TBCD: variants seen among roughly 807,000 people sequenced by gnomAD.
TBCD encodes tubulin folding cofactor D.
TBCD carries 105 observed loss-of-function variants against 169.3 expected under a neutral mutation model. That is an observed-to-expected ratio of 0.62 (90% CI 0.53 to 0.73). TBCD has a LOEUF of 0.73. Ranked by LOEUF, TBCD falls within the 30% of genes least tolerant of loss-of-function variation. TBCD has a pLI of 0.00. For missense variants in TBCD, 1,444 were observed against 1,600.1 expected, an observed-to-expected ratio of 0.90 and a Z score of 1.66; for synonymous variants, 700 against 643.9, an observed-to-expected ratio of 1.09 and a Z score of -1.32.
chr17:82,900,500 G>T, intron 17 of TBCD, 151 bp from the exon 18 acceptor site: 3 of 632,106 alleles, frequency 4.7e-6, no homozygotes, highest in Non-Finnish European at 8.5e-6. Context: ...TTTCTTTTGG[G>T]TAACTGCTCA....
intron 13 of TBCD, among the ~76,000 whole-genome samples, chr17:82,836,548 C>A (rs1016082132): frequency 2.0e-5 from 3 of 152,156 alleles, no homozygotes; most frequent in African/African-American, 7.2e-5. Context: ...GTTTTCGAAG[C>A]CGCATTATTT....
At chr17:82,891,087 G>A (rs1293055608) in intron 16 of TBCD, among the ~76,000 whole-genome samples, 16 of 152,218 alleles carry the variant, frequency 1.1e-4, no homozygotes, top group Admixed American at 1.0e-3. Flanking sequence ...GCCCTGGGGC[G>A]CACTCCGCCA....
At chr17:82,913,669 G>T (rs1218509640) in intron 23 of TBCD, 1 of 152,396 alleles carries the variant, frequency 6.6e-6, no homozygotes, top group Non-Finnish European at 1.5e-5. Flanking sequence ...GCTCCGTGAA[G>T]CGGGGCCCAT....
rs748495076 is a variant in TBCD, at chr17:82,831,913, G to C, written c.1318+16979G>C. The stretch of plus-strand genomic sequence containing the variant: ...GGCAGTGGGGTTGTGTAAAGCCAGT[G>C]TCTCGGGCGCCTCGGCGTTGTCTGG... On this transcript the variant is annotated intron_variant, in intron 13 of 38. Coordinates refer to ENST00000355528, the MANE Select transcript of TBCD (RefSeq NM_005993.5). The surrounding 1 kb of genome is among the most constrained non-coding windows in gnomAD (Gnocchi z 4.6). 6.8e-6 allele frequency: 11 copies of C among 1,614,116 alleles called. No individual in the cohort carries two copies. Among genetic ancestry groups the C allele is most frequent in the Non-Finnish European group, 9.3e-6 (11 of 1,180,054 alleles).
rs982703589 is a variant in TBCD, at chr17:82,920,381, C to T, written c.2039-175C>T. ...AGCGGAGGAGGCGTCTTGGGCTTCT[C>T]ATGGTGGTTCTGAAATGGTTCTGGG... On this transcript the variant is annotated intron_variant, in intron 23 of 38. Coordinates refer to ENST00000355528, the MANE Select transcript of TBCD (RefSeq NM_005993.5). This position sits in a 1 kb window ranked among gnomAD's most constrained non-coding sequence, Gnocchi z 4.1. The T allele has an allele frequency of 2.0e-5, 13 of 644,466 alleles. No homozygotes were observed. Among genetic ancestry groups the T allele is most frequent in the Non-Finnish European group, 3.5e-5 (13 of 368,824 alleles). The allele number at this position is 644,466 out of a possible 1,614,324, so 39.9% of individuals were successfully genotyped here.
intron 9 of TBCD, among the ~76,000 whole-genome samples, chr17:82,802,891 G>A (rs75380144): frequency 0.02 from 3,113 of 152,340 alleles, 112 homozygotes; most frequent in African/African-American, 0.07. Context: ...CTGAAATGTT[G>A]GTACAGAAAA....
At position 82,864,962 on chromosome 17, in the gene TBCD, C is replaced by T. The variant is rs1411466008; in HGVS notation, c.1319-5262C>T. 6.6e-6 allele frequency among the ~76,000 whole-genome samples: 1 copy of T among 152,104 alleles called. No homozygotes were observed. Among genetic ancestry groups the T allele is most frequent in the African/African-American group, 2.4e-5 (1 of 41,420 alleles). The stretch of plus-strand genomic sequence containing the variant: ...GGGCTCCTTGCCCCCCAAGGGCAGG[C>T]CGAGCACCAAGTCTGTGCTTGCCCC... On this transcript the variant is annotated intron_variant, in intron 13 of 38. Coordinates refer to ENST00000355528, the MANE Select transcript of TBCD (RefSeq NM_005993.5). The surrounding 1 kb of genome is among the most constrained non-coding windows in gnomAD (Gnocchi z 6.3).
chr17:82,827,499 A>T (rs978060340), intron 13 of TBCD, among the ~76,000 whole-genome samples: 1 of 152,220 alleles, frequency 6.6e-6, no homozygotes, highest in Non-Finnish European at 1.5e-5. Context: ...GACCCCATGG[A>T]TGGCCATTGA....
At chr17:82,753,034 C>A (rs947718255) in intron 1 of TBCD, among the ~76,000 whole-genome samples, 1 of 152,192 alleles carries the variant, frequency 6.6e-6, no homozygotes, top group African/African-American at 2.4e-5. Flanking sequence ...TCAGACCCAC[C>A]TTTACCGCTG....
At chr17:82,911,180 A>T (rs1211481749) in intron 22 of TBCD, among the ~76,000 whole-genome samples, 1 of 152,130 alleles carries the variant, frequency 6.6e-6, no homozygotes, top group Non-Finnish European at 1.5e-5. Context: ...CATATGTTGC[A>T]TTCTGTCCAG....
At chr17:82,837,989 G>A (rs2054129333) in intron 13 of TBCD, among the ~76,000 whole-genome samples, 1 of 152,252 alleles carries the variant, frequency 6.6e-6, no homozygotes, top group South Asian at 2.1e-4. Flanking sequence ...CATATTTACA[G>A]ATGCCACTCT....
chr17:82,939,481 G>T lies in TBCD; in HGVS notation c.3479+5G>T, dbSNP rs368208307. ...TGTGCTCAGTGACACTGCGTGGTGA[G>T]TGAAGGCCCTTCCTGCACGGCCACC... On this transcript the variant is annotated splice_donor_5th_base_variant and intron_variant, in intron 37 of 38. Transcript: ENST00000355528. 6.2e-7 allele frequency: 1 copy of T among 1,611,068 alleles called. No individual in the cohort carries two copies. The highest frequency in any genetic ancestry group is 8.5e-7 in the Non-Finnish European group (1 of 1,178,406).
chr17:82,795,183 A>G (rs181062773), intron 7 of TBCD, among the ~76,000 whole-genome samples: 1 of 152,368 alleles, frequency 6.6e-6, no homozygotes, highest in East Asian at 1.9e-4. Context: ...TAGGAATTTC[A>G]CAGTGTCTTG....
chr17:82,766,174 G>T, intron 3 of TBCD, 93 bp from the exon 4 acceptor site: 1 of 964,106 alleles, frequency 1.0e-6, no homozygotes, highest in East Asian at 2.6e-5. Flanking sequence ...AGTGGGTCGC[G>T]TAGCTGGTGA....
rs1555672641 is a variant in TBCD, at chr17:82,758,400, A to AAT, written c.235+2186_235+2187insTA. On this transcript the variant is annotated intron_variant, in intron 2 of 38. Transcript: ENST00000355528. ...AACGTCTCGGAAAAAAAAAAAAAAAAAAATAAATAAATAAATAAATTTTTT... is the reference window on the plus strand; with the variant it reads ...AACGTCTCGGAAAAAAAAAAAAAAAAATAAATAAATAAATAAATAAATTTTTT... Among the ~76,000 whole-genome samples, 41 of 100,060 alleles carry AAT rather than the reference A, an allele frequency of 4.1e-4. 1 individual carries two copies. Among genetic ancestry groups the AAT allele is most frequent in the Admixed American group, 1.1e-3 (8 of 7,152 alleles). The allele number at this position is 100,060 out of a possible 152,430, so 65.6% of individuals were successfully genotyped here. A position where few individuals can be genotyped will look rare whatever the true frequency, so the allele number is the denominator to read the frequency against.
At chr17:82,906,468 G>T (rs2060258141) in intron 20 of TBCD, among the ~76,000 whole-genome samples, 1 of 152,228 alleles carries the variant, frequency 6.6e-6, no homozygotes, top group Non-Finnish European at 1.5e-5. Context: ...AAATGCCAGA[G>T]AATATACACG....
At chr17:82,794,913 T>TA (rs1333076562) in intron 7 of TBCD, among the ~76,000 whole-genome samples, 1 of 152,146 alleles carries the variant, frequency 6.6e-6, no homozygotes, top group Non-Finnish European at 1.5e-5. Context: ...CTTCGCCCTG[T>TA]AAATGTGTGG....
chr17:82,940,601 G>A (rs530444301), intron 37 of TBCD, among the ~76,000 whole-genome samples: 3 of 152,204 alleles, frequency 2.0e-5, no homozygotes, highest in South Asian at 4.1e-4. Flanking sequence ...GGGCTTCCGC[G>A]AGGTTTTCTG....
chr17:82,752,372 T>G lies in TBCD; in HGVS notation c.179T>G (p.Phe60Cys). 1 of 1,293,810 alleles carries G rather than the reference T, an allele frequency of 7.7e-7. No homozygotes were observed. The highest frequency in any genetic ancestry group is 9.7e-7 in the Non-Finnish European group (1 of 1,026,848). The allele number at this position is 1,293,810 out of a possible 1,614,324, so 80.1% of individuals were successfully genotyped here. Residue 60 changes from phenylalanine (F) to cysteine (C), a missense_variant, in exon 1 of 39, where the codon TTC (phenylalanine) becomes TGC (cysteine). Transcript: ENST00000355528. ...GAGCGCGAGGTGGCCCTGGAGCGGT[T>G]CCGCGGTGCGTGGGCGGCGCCGCGT... ...GAEREVALERFRVIMDKYQEQ... is the reference protein window; with the variant it reads ...GAEREVALERCRVIMDKYQEQ...
Sources: gnomAD v4.1 joint callset for allele counts (sites outside exome capture counted in the v4.1 genomes callset) on GRCh38, gnomAD v4.1.1 for gene constraint, Gnocchi (gnomAD v3.1) non-coding constraint, MANE v1.5 for transcripts, NCBI Gene and HGNC (gene_info 2026-07-23, HGNC 2026-07-21) for gene names.